Variants in AGAP6 observed in about 807,000 individuals in gnomAD.
AGAP6 encodes the protein arf-GAP with GTPase, ANK repeat and PH domain-containing protein 6.
In AGAP6, 29 loss-of-function variants were observed where a neutral mutation model predicts 63.9. That is an observed-to-expected ratio of 0.45 (90% CI 0.34 to 0.62). AGAP6 has a LOEUF of 0.62. AGAP6 is among the 20% of genes least tolerant of loss of function. The pLI, the probability that AGAP6 is intolerant of heterozygous loss-of-function variation, is 0.01. For missense variants in AGAP6, 493 were observed against 884.9 expected (o/e 0.56, Z 5.62); for synonymous variants, 199 against 332.9 (o/e 0.60, Z 4.38).
chr10:50,004,411 G>A (rs563825913), intron 5 of AGAP6, among the ~76,000 whole-genome samples: 1 of 151,246 alleles, frequency 6.6e-6, no homozygotes, highest in Non-Finnish European at 1.5e-5. Flanking sequence ...TTCATGGGTA[G>A]AAAAGCATAT....
intron 3 of AGAP6, among the ~76,000 whole-genome samples, chr10:49,993,335 C>A (rs1420180078): frequency 6.6e-6 from 1 of 152,192 alleles, no homozygotes; most frequent in Admixed American, 6.5e-5. Flanking sequence ...ATGTCCCTCA[C>A]TCTTCAGTGG....
At chr10:49,996,492 G>C (rs2132131929) in intron 4 of AGAP6, among the ~76,000 whole-genome samples, 1 of 151,888 alleles carries the variant, frequency 6.6e-6, no homozygotes, top group African/African-American at 2.4e-5. Flanking sequence ...CTTCTGAGAA[G>C]GATCTCCCAA....
Position 50,008,991 on chromosome 10 carries a change from T to C in AGAP6, c.866T>C (p.Leu289Pro), listed in dbSNP as rs782648918. 4 of 1,613,772 alleles carry C rather than the reference T, an allele frequency of 2.5e-6. No homozygotes were observed. The highest frequency in any genetic ancestry group is 1.7e-5 in the Admixed American group (1 of 59,990). Reference sequence around the variant, plus strand: ...GCCATCCCCATTAAACAGGGCATGCTCTTAAAGCGAAGTGGGAAATGGCTG... The same window carrying C: ...GCCATCCCCATTAAACAGGGCATGCCCTTAAAGCGAAGTGGGAAATGGCTG... ...GRAIPIKQGM[L>P]LKRSGKWLKT... Residue 289 changes from leucine to proline, a missense_variant, in exon 8 of 8, where the codon CTC becomes CCC. By Grantham distance (98) the Leu-to-Pro change is moderately conservative. This residue lies in a region of AGAP6 where 342 missense variants were observed against 533.4 expected (regional missense o/e 0.64). Transcript: ENST00000412531.
intron 3 of AGAP6, among the ~76,000 whole-genome samples, chr10:49,992,006 CTTTATAATTCTTGGATTTATCTTTA>C (rs1270915128): frequency 6.6e-6 from 1 of 152,106 alleles, no homozygotes; most frequent in African/African-American, 2.4e-5. Context: ...ATGGATTTCT[CTTTATAATTCTTGGATTTATCTTTA>C]TTTATAATTA....
At position 50,008,932 on chromosome 10, in the gene AGAP6, G is replaced by T; in HGVS notation, c.807G>T (p.Pro269=). 6.2e-7 allele frequency: 1 copy of T among 1,613,914 alleles called. No homozygotes were observed. The highest frequency in any genetic ancestry group is 8.5e-7 in the Non-Finnish European group (1 of 1,179,912). ...ACCCAGACAAAGAGAGGAAAGCCCC[G>T]GAGAATCATGCTGACACCATCGGGA... ...GSDPDKERKA[P]ENHADTIGSG... is the part of the protein sequence containing the mutation. Residue 269 remains proline, a synonymous_variant, in exon 8 of 8, where the codon CCG becomes CCT. Transcript: ENST00000412531.
At chr10:49,992,291 G>A (rs1841313564) in intron 3 of AGAP6, among the ~76,000 whole-genome samples, 1 of 152,042 alleles carries the variant, frequency 6.6e-6, no homozygotes, top group Non-Finnish European at 1.5e-5. Flanking sequence ...TTGATGTAAT[G>A]TAAATTTAAA....
At chr10:49,999,918 C>T (rs1441332043) in intron 4 of AGAP6, among the ~76,000 whole-genome samples, 1 of 142,446 alleles carries the variant, frequency 7.0e-6, no homozygotes, top group African/African-American at 2.7e-5. Flanking sequence ...TAGACCTAAC[C>T]AAGGAGGTGA....
chr10:49,992,760 C>T (rs1233333073), intron 3 of AGAP6, among the ~76,000 whole-genome samples: 6 of 151,324 alleles, frequency 4.0e-5, no homozygotes, highest in Non-Finnish European at 5.9e-5. Context: ...GAAGGTACCA[C>T]ACTTTTTTTT....
intron 3 of AGAP6, among the ~76,000 whole-genome samples, chr10:49,993,719 C>G (rs1375542926): frequency 6.6e-6 from 1 of 150,688 alleles, no homozygotes; most frequent in Non-Finnish European, 1.5e-5. Flanking sequence ...AATCAGGAGG[C>G]TAAGGCTGAA....
In AGAP6 at chr10:49,996,740, C is replaced by CTT. The variant is rs541201709; in HGVS notation, c.396+2326_396+2327dup. 5.0e-3 allele frequency among the ~76,000 whole-genome samples: 634 copies of CTT among 126,956 alleles called. 5 individuals are homozygous for CTT. Among genetic ancestry groups the CTT allele is most frequent in the African/African-American group, 0.017 (600 of 34,594 alleles). The allele number at this position is 126,956 out of a possible 152,430, so 83.3% of individuals were successfully genotyped here. On this transcript the variant is annotated intron_variant, in intron 4 of 7. Transcript: ENST00000412531. ...AGAGATTTGCAACTGACCTTGCTGG[C>CTT]TTTTTTTTTTTTTTTTCACATTTTA...
At chr10:50,003,699 A>C (rs1554863340) in intron 5 of AGAP6, among the ~76,000 whole-genome samples, 1 of 152,208 alleles carries the variant, frequency 6.6e-6, no homozygotes, top group East Asian at 1.9e-4. Context: ...AATGTGCAGC[A>C]AAGTTTGAGA....
Position 49,995,924 on chromosome 10 carries a change from G to A in AGAP6, c.396+1495G>A, listed in dbSNP as rs574669660. Among the ~76,000 whole-genome samples, 402 of 152,166 alleles carry A rather than the reference G, an allele frequency of 2.6e-3. 4 individuals carry two copies. Among genetic ancestry groups the A allele is most frequent in the African/African-American group, 8.4e-3 (350 of 41,532 alleles). On this transcript the variant is annotated intron_variant, in intron 4 of 7. Transcript: ENST00000412531. Reference sequence around the variant, plus strand: ...TTACAACCAGGTTTTAGTTATCTGCGGAAGCTTTTTAGAATCTCTCTCTCT... The same window carrying A: ...TTACAACCAGGTTTTAGTTATCTGCAGAAGCTTTTTAGAATCTCTCTCTCT...
At chr10:50,007,487 T>G (rs1191672195) in intron 6 of AGAP6, among the ~76,000 whole-genome samples, 2 of 127,298 alleles carry the variant, frequency 1.6e-5, no homozygotes, top group African/African-American at 5.7e-5. Context: ...CACAGCACAT[T>G]TGGAGAACCA....
intron 1 of AGAP6, 60 bp downstream of exon 1, chr10:49,988,998 G>A (rs1417475792): frequency 3.1e-6 from 5 of 1,599,134 alleles, no homozygotes; most frequent in Non-Finnish European, 4.2e-6. Flanking sequence ...CTGTCCCCAT[G>A]GTTCCCTTTG....
At chr10:49,989,448 C>T (rs1162820529) in intron 2 of AGAP6, 72 bp downstream of exon 2, 2 of 1,589,208 alleles carry the variant, frequency 1.3e-6, no homozygotes, top group East Asian at 2.2e-5. Flanking sequence ...GAGCTATTCT[C>T]TTCCTTTTCT....
intron 4 of AGAP6, among the ~76,000 whole-genome samples, chr10:49,994,891 G>T (rs1478395844): frequency 2.6e-5 from 4 of 150,998 alleles, no homozygotes; most frequent in Admixed American, 2.6e-4. Context: ...GAACCCAGGA[G>T]GCGGAGGTTG....
At chr10:50,007,912 A>G in intron 6 of AGAP6, 113 bp from the exon 7 acceptor site, 30 of 1,591,088 alleles carry the variant, frequency 1.9e-5, no homozygotes, top group Non-Finnish European at 2.6e-5. Flanking sequence ...GAATTCATAA[A>G]AACTGCTTTG....
chr10:49,989,244 A>G (rs1412549781), intron 1 of AGAP6, 64 bp from the exon 2 acceptor site: 22 of 1,592,892 alleles, frequency 1.4e-5, no homozygotes, highest in Non-Finnish European at 1.9e-5. Context: ...GCAGTTGAAT[A>G]AATAAGTTGA....
At position 50,009,770 on chromosome 10, in the gene AGAP6, C is replaced by A; in HGVS notation, c.1645C>A (p.Gln549Lys). The part of the protein sequence containing the change: ...LANSIWEGSS[Q>K]GQTKPSEKST... ...CAACAGCATCTGGGAAGGGAGCAGC[C>A]AGGGGCAGACAAAACCCTCAGAAAA... The change falls in exon 8 of 8, where the codon CAG (glutamine) becomes AAG (lysine). Residue 549 changes from glutamine (Q) to lysine (K), a missense_variant. Physicochemically the swap from Gln to Lys is moderately conservative, Grantham distance 53. Transcript: ENST00000412531. The A allele has an allele frequency of 6.2e-7, 1 of 1,613,984 alleles. No individual in the cohort carries two copies. The highest frequency in any genetic ancestry group is 8.5e-7 in the Non-Finnish European group (1 of 1,179,964).
Sources: allele counts gnomAD v4.1 joint callset (sites outside exome capture counted in the v4.1 genomes callset), GRCh38; gene constraint gnomAD v4.1.1; regional missense constraint gnomAD v4.1.1; transcripts MANE v1.5; gene names NCBI Gene and HGNC (gene_info 2026-07-23, HGNC 2026-07-21).